Variants in TENM2 observed in about 807,000 individuals in gnomAD.
TENM2 encodes the protein teneurin-2.
In TENM2, 52 loss-of-function variants were observed where a neutral mutation model predicts 245.2. The ratio of observed to expected loss-of-function variants is 0.21; its 90% CI spans 0.17 to 0.27. The LOEUF (loss-of-function observed/expected upper bound fraction) is 0.27. Ranked by LOEUF, TENM2 falls within the 10% of genes least tolerant of loss-of-function variation. The pLI is 1.00. For missense variants in TENM2, 3,046 were observed against 3,666.8 expected, an observed-to-expected ratio of 0.83 and a Z score of 4.37; for synonymous variants, 1,363 against 1,438.9, an observed-to-expected ratio of 0.95 and a Z score of 1.19.
intron 3 of TENM2, among the ~76,000 whole-genome samples, chr5:167,899,469 G>C (rs998482350): frequency 6.6e-6 from 1 of 152,218 alleles, no homozygotes; most frequent in Non-Finnish European, 1.5e-5. Flanking sequence ...CGTGTGCCAC[G>C]CTCCTGGCCA....
intron 2 of TENM2, among the ~76,000 whole-genome samples, chr5:167,474,454 C>T (rs13154921): frequency 0.71 from 108,092 of 151,766 alleles, 38,759 homozygotes; most frequent in Non-Finnish European, 0.75. Context: ...TTCCCATTCA[C>T]CCAATAAGCA....
chr5:167,445,803 A>G (rs1016169621), intron 2 of TENM2, among the ~76,000 whole-genome samples: 1 of 152,150 alleles, frequency 6.6e-6, no homozygotes, highest in African/African-American at 2.4e-5. Context: ...TAACTGCCCA[A>G]ACCGTCCCTG....
chr5:167,611,873 C>G (rs1777498142), intron 2 of TENM2, among the ~76,000 whole-genome samples: 1 of 151,930 alleles, frequency 6.6e-6, no homozygotes, highest in Admixed American at 6.6e-5. Context: ...TCCCACCTCC[C>G]GAAACCATCA....
chr5:168,237,763 A>C (rs936690974), intron 25 of TENM2, among the ~76,000 whole-genome samples: 2 of 151,710 alleles, frequency 1.3e-5, no homozygotes, highest in Non-Finnish European at 2.9e-5. Flanking sequence ...ATTAATATTA[A>C]ATTTATAGCA....
intron 2 of TENM2, among the ~76,000 whole-genome samples, chr5:167,570,938 G>A (rs1234664709): frequency 5.9e-5 from 9 of 152,140 alleles, no homozygotes; most frequent in Non-Finnish European, 8.8e-5. Flanking sequence ...TCGAGGGTGA[G>A]TTCATGAGTT....
chr5:167,146,544 G>T, the TENM2 span, among the ~76,000 whole-genome samples: 2 of 152,232 alleles, frequency 1.3e-5, no homozygotes, highest in African/African-American at 4.8e-5. Context: ...TGAAAGACTT[G>T]ACCTCTCCCT....
intron 7 of TENM2, among the ~76,000 whole-genome samples, chr5:168,068,620 T>G (rs1790709447): frequency 6.6e-6 from 1 of 152,018 alleles, no homozygotes; most frequent in Non-Finnish European, 1.5e-5. Context: ...AGTGGTCACC[T>G]CTAGGAACAG....
intron 5 of TENM2, among the ~76,000 whole-genome samples, chr5:168,005,421 TGCCCACGCC>T (rs1784747764): frequency 6.6e-6 from 1 of 152,254 alleles, no homozygotes; most frequent in African/African-American, 2.4e-5. Flanking sequence ...TTGCTAATTT[TGCCCACGCC>T]CTTTGTAATT....
At chr5:168,032,287 C>T (rs1311978187) in intron 5 of TENM2, among the ~76,000 whole-genome samples, 1 of 152,148 alleles carries the variant, frequency 6.6e-6, no homozygotes, top group East Asian at 1.9e-4. Context: ...AAACAGTAAG[C>T]ACTATATTCG....
rs1784792159 is a variant in TENM2, at chr5:168,005,993, A to T, written c.1186+12811A>T. ...CAAATGCCTAGCTAGAGAGAATTAT[A>T]GTTTCCATCGGCTTCTACAGAACAA... On this transcript the variant is annotated intron_variant, in intron 5 of 28. Coordinates refer to ENST00000518659, the Ensembl canonical transcript of TENM2. 2.0e-5 allele frequency among the ~76,000 whole-genome samples: 3 copies of T among 152,210 alleles called. No individual in the cohort carries two copies. In the South Asian group the frequency reaches 6.2e-4, roughly 32 times the overall value.
At chr5:167,952,763 A>G in exon 4 of TENM2, 3 of 1,582,884 alleles carry the variant, frequency 1.9e-6, no homozygotes, top group Non-Finnish European at 2.6e-6. Context: ...CCACCACACC[A>G]GAGTCCGTTC....
intron 2 of TENM2, among the ~76,000 whole-genome samples, chr5:167,581,701 T>G (rs572626322): frequency 2.0e-4 from 30 of 152,312 alleles, no homozygotes; most frequent in Middle Eastern, 3.4e-3. Flanking sequence ...GAATTCCTAA[T>G]AAGATACAGT....
At chr5:167,794,400 G>A (rs896748130) in intron 2 of TENM2, among the ~76,000 whole-genome samples, 1 of 152,236 alleles carries the variant, frequency 6.6e-6, no homozygotes, top group Non-Finnish European at 1.5e-5. Context: ...CACGTCATCA[G>A]TAGCAATTCC....
chr5:167,903,329 T>C (rs1172024191), intron 3 of TENM2, among the ~76,000 whole-genome samples: 1 of 152,018 alleles, frequency 6.6e-6, no homozygotes. Flanking sequence ...TAAAGTGAAA[T>C]TTAAGATTTT....
chr5:167,095,088 A>G, the TENM2 span, among the ~76,000 whole-genome samples: 1 of 152,148 alleles, frequency 6.6e-6, no homozygotes, highest in Non-Finnish European at 1.5e-5. Flanking sequence ...ATTGTATACT[A>G]GGTCTTGAGC....
At chr5:168,091,744 C>A (rs1216644127) in intron 8 of TENM2, among the ~76,000 whole-genome samples, 1 of 152,208 alleles carries the variant, frequency 6.6e-6, no homozygotes, top group Non-Finnish European at 1.5e-5. Context: ...TTGTACAACA[C>A]CATGTGTCCC....
At chr5:167,380,087 A>G (rs2127328841) in intron 2 of TENM2, among the ~76,000 whole-genome samples, 1 of 152,258 alleles carries the variant, frequency 6.6e-6, no homozygotes, top group South Asian at 2.1e-4. Flanking sequence ...AAAAAAACGA[A>G]GGACACAGAC....
intron 2 of TENM2, among the ~76,000 whole-genome samples, chr5:167,844,744 T>C (rs1769869062): frequency 6.6e-6 from 1 of 152,102 alleles, no homozygotes; most frequent in African/African-American, 2.4e-5. Flanking sequence ...TCTGCCATGA[T>C]TCTCTTCTGC....
At chr5:167,962,443 T>C (rs1426302175) in intron 4 of TENM2, among the ~76,000 whole-genome samples, 2 of 152,216 alleles carry the variant, frequency 1.3e-5, no homozygotes, top group East Asian at 1.9e-4. Flanking sequence ...CTCATGGAAC[T>C]GAGCACATAG....
Sources: gnomAD v4.1 joint callset for allele counts (sites outside exome capture counted in the v4.1 genomes callset) on GRCh38, gnomAD v4.1.1 for gene constraint, MANE v1.5 for transcripts, NCBI Gene and HGNC (gene_info 2026-07-23, HGNC 2026-07-21) for gene names.